The following MAPK10 variants were observed in gnomAD, a reference collection of about 807,000 sequenced individuals.
MAPK10 encodes JNK3 alpha protein kinase.
A neutral mutation model predicts 59.3 loss-of-function variants in MAPK10; 25 were observed. The ratio of observed to expected loss-of-function variants is 0.42; its 90% CI spans 0.31 to 0.59. MAPK10 has a LOEUF of 0.59. MAPK10 is among the 20% of genes least tolerant of loss of function. MAPK10 has a pLI of 0.15. For synonymous variants in MAPK10, 190 were observed against 200.5 expected, an observed-to-expected ratio of 0.95 and a Z score of 0.44; for missense variants, 351 against 568.9, an observed-to-expected ratio of 0.62 and a Z score of 3.90.
intron 1 of MAPK10, among the ~76,000 whole-genome samples, chr4:86,533,595 C>A (rs987193881): frequency 2.0e-5 from 3 of 152,148 alleles, no homozygotes; most frequent in East Asian, 1.9e-4. Flanking sequence ...ATTTGCTCTG[C>A]AAGTACCTTT....
At chr4:86,189,337 T>C (rs2079087729) in intron 3 of MAPK10, among the ~76,000 whole-genome samples, 1 of 152,248 alleles carries the variant, frequency 6.6e-6, no homozygotes, top group African/African-American at 2.4e-5. Flanking sequence ...CTTTAGGCAG[T>C]ATGGCCATTT....
At chr4:86,276,051 C>A (rs578143654) in intron 2 of MAPK10, among the ~76,000 whole-genome samples, 5 of 152,204 alleles carry the variant, frequency 3.3e-5, no homozygotes, top group African/African-American at 1.2e-4. Flanking sequence ...TACTTTTGAT[C>A]TTCACTGTGC....
At chr4:86,259,075 C>A (rs1372031362) in intron 2 of MAPK10, among the ~76,000 whole-genome samples, 1 of 152,094 alleles carries the variant, frequency 6.6e-6, no homozygotes, top group Non-Finnish European at 1.5e-5. Context: ...AACAGTCTCT[C>A]TGGGCTTTTC....
intron 1 of MAPK10, among the ~76,000 whole-genome samples, chr4:86,427,182 G>A (rs981189303): frequency 1.3e-5 from 2 of 150,632 alleles, no homozygotes; most frequent in African/African-American, 2.4e-5. Context: ...GCGTGAACCC[G>A]GGAGGCAGAG....
intron 2 of MAPK10, among the ~76,000 whole-genome samples, chr4:86,288,389 C>T (rs1035339836): frequency 7.1e-6 from 1 of 141,376 alleles, no homozygotes; most frequent in Non-Finnish European, 1.5e-5. Context: ...ATCTAAGATG[C>T]TCTAATGTTA....
chr4:86,207,306 C>A (rs7683561), intron 2 of MAPK10, among the ~76,000 whole-genome samples: 40,945 of 150,334 alleles, frequency 0.27, 7,951 homozygotes, highest in African/African-American at 0.56. Flanking sequence ...AATAGGGAAT[C>A]CTTTCCCCAT....
intron 2 of MAPK10, among the ~76,000 whole-genome samples, chr4:86,247,390 C>G (rs552238725): frequency 1.3e-5 from 2 of 152,298 alleles, no homozygotes; most frequent in Non-Finnish European, 2.9e-5. Context: ...GATCCCAGGT[C>G]CTGTTAATAT....
intron 3 of MAPK10, among the ~76,000 whole-genome samples, chr4:86,188,838 T>C (rs1582312260): frequency 6.6e-6 from 1 of 152,320 alleles, no homozygotes; most frequent in Non-Finnish European, 1.5e-5. Context: ...TCCTGAATGA[T>C]ATTACCTAGG....
chr4:86,245,227 C>T (rs1055064488), intron 2 of MAPK10, among the ~76,000 whole-genome samples: 13 of 152,080 alleles, frequency 8.5e-5, no homozygotes, highest in Admixed American at 2.6e-4. Context: ...TATTCGAGTG[C>T]TTTGAAAACA....
intron 10 of MAPK10, among the ~76,000 whole-genome samples, chr4:86,067,425 CTT>C (rs1056702671): frequency 9.9e-5 from 15 of 152,130 alleles, no homozygotes; most frequent in African/African-American, 3.4e-4. Flanking sequence ...AGGTTACAGA[CTT>C]GAGCCACCGC....
intron 6 of MAPK10, 69 bp downstream of exon 6, chr4:86,103,100 TGTGTGTGTGTGTGTGTG>T: frequency 1.3e-6 from 1 of 782,122 alleles, no homozygotes; most frequent in Non-Finnish European, 2.3e-6. Context: ...TGTGTGTGTG[TGTGTGTGTGTGTGTGTG>T]GTGTGTGATT....
intron 1 of MAPK10, among the ~76,000 whole-genome samples, chr4:86,510,711 A>G (rs1181269148): frequency 6.6e-6 from 1 of 152,182 alleles, no homozygotes; most frequent in Non-Finnish European, 1.5e-5. Flanking sequence ...CCATTAATAA[A>G]GAGTAAAATC....
rs1352505272 is a variant in MAPK10 at position 86,200,041 on chromosome 4, T to TA, written c.-6-5635dup. ...AAAAATACTAACTATAATCAGTAAG[T>TA]AAAAAACAAAACAAAAGGAGCAATT... is the stretch of plus-strand genomic sequence containing the variant. On this transcript the variant is annotated intron_variant, in intron 2 of 13. Transcript: ENST00000641462. Among the ~76,000 whole-genome samples, 6 of 152,172 alleles carry TA rather than the reference T, an allele frequency of 3.9e-5. No homozygotes were observed. In the South Asian group the frequency reaches 8.3e-4, roughly 21 times the overall value.
At chr4:86,256,783 C>T (rs1383659113) in intron 2 of MAPK10, among the ~76,000 whole-genome samples, 1 of 139,020 alleles carries the variant, frequency 7.2e-6, no homozygotes, top group Non-Finnish European at 1.5e-5. Flanking sequence ...CTCTGTCGCC[C>T]AGGCTGGAGT....
intron 1 of MAPK10, among the ~76,000 whole-genome samples, chr4:86,500,200 T>A (rs1755203467): frequency 6.6e-6 from 1 of 152,192 alleles, no homozygotes; most frequent in Admixed American, 6.5e-5. Flanking sequence ...CCATAATAGC[T>A]ATGGTGATTT....
intron 1 of MAPK10, among the ~76,000 whole-genome samples, chr4:86,423,760 G>GAGATATATATATATATAT (rs1746842550): frequency 8.5e-6 from 1 of 117,120 alleles, no homozygotes; most frequent in African/African-American, 3.5e-5. Context: ...TAATTAGTGG[G>GAGATATATATATATATAT]ATATATATAC....
intron 2 of MAPK10, among the ~76,000 whole-genome samples, chr4:86,328,326 C>A (rs910722280): frequency 1.3e-5 from 2 of 152,076 alleles, no homozygotes; most frequent in African/African-American, 4.8e-5. Context: ...AGTCAGAATG[C>A]AGATTATTAA....
intron 1 of MAPK10, among the ~76,000 whole-genome samples, chr4:86,496,853 C>G (rs938603376): frequency 6.6e-6 from 1 of 152,164 alleles, no homozygotes; most frequent in African/African-American, 2.4e-5. Context: ...GCTAAGCACA[C>G]GCTTAGTCAG....
intron 1 of MAPK10, chr4:86,370,714 C>A (rs781774450): frequency 6.6e-6 from 1 of 152,120 alleles, no homozygotes; most frequent in Admixed American, 6.5e-5. Flanking sequence ...CTGTATTTAC[C>A]TTGGGAAGAA....
Sources: allele counts gnomAD v4.1 joint callset (sites outside exome capture counted in the v4.1 genomes callset), GRCh38; gene constraint gnomAD v4.1.1; transcripts MANE v1.5; gene names NCBI Gene and HGNC (gene_info 2026-07-23, HGNC 2026-07-21).